The following PARD3 variants were observed in gnomAD, a reference collection of about 807,000 sequenced individuals.
PARD3 encodes the protein par-3 family cell polarity regulator.
Under a neutral mutation model 155.4 loss-of-function variants are expected in PARD3, and 75 were observed. The ratio of observed to expected loss-of-function variants is 0.48; its 90% CI spans 0.40 to 0.58. PARD3 has a LOEUF of 0.58. Ranked by LOEUF, PARD3 falls within the 20% of genes least tolerant of loss-of-function variation. The pLI is 0.00. For synonymous variants in PARD3, 576 were observed against 610.5 expected (o/e 0.94, Z 0.83); for missense variants, 1,642 against 1,721.7 (o/e 0.95, Z 0.82).
At chr10:34,299,544 T>C (rs775455476) in intron 20 of PARD3, among the ~76,000 whole-genome samples, 1 of 152,168 alleles carries the variant, frequency 6.6e-6, no homozygotes, top group Non-Finnish European at 1.5e-5. Flanking sequence ...TGGATAAAAA[T>C]GTTGCTTTTA....
intron 22 of PARD3, among the ~76,000 whole-genome samples, chr10:34,186,779 G>T (rs139167018): frequency 6.6e-6 from 1 of 152,216 alleles, no homozygotes; most frequent in Non-Finnish European, 1.5e-5. Context: ...ACCTTCTGGT[G>T]TCAGCCCCTC....
At chr10:34,690,930 C>T (rs1371786779) in intron 2 of PARD3, among the ~76,000 whole-genome samples, 1 of 152,180 alleles carries the variant, frequency 6.6e-6, no homozygotes, top group African/African-American at 2.4e-5. Flanking sequence ...CATCAAAACA[C>T]AGCCGAGCGC....
intron 7 of PARD3, among the ~76,000 whole-genome samples, chr10:34,385,401 G>A (rs1842255463): frequency 6.6e-6 from 1 of 152,162 alleles, no homozygotes. Context: ...CTCCCAAAGT[G>A]CTGGGATTAC....
chr10:34,748,040 T>C (rs1340706740), intron 1 of PARD3, among the ~76,000 whole-genome samples: 2 of 137,040 alleles, frequency 1.5e-5, no homozygotes, highest in African/African-American at 3.7e-5. Flanking sequence ...GTTACCACCA[T>C]GACAAGCCAC....
chr10:34,768,670 T>G (rs2134073100), intron 1 of PARD3, among the ~76,000 whole-genome samples: 1 of 152,304 alleles, frequency 6.6e-6, no homozygotes, highest in Non-Finnish European at 1.5e-5. Flanking sequence ...GCCCTATTAC[T>G]CAACACTCTG....
intron 1 of PARD3, among the ~76,000 whole-genome samples, chr10:34,735,414 CT>C (rs2094896210): frequency 6.6e-6 from 1 of 152,158 alleles, no homozygotes; most frequent in South Asian, 2.1e-4. Context: ...GATTACAGGA[CT>C]TCTCACTAGC....
intron 15 of PARD3, chr10:34,344,396 C>A (rs929876884): frequency 3.3e-6 from 2 of 603,976 alleles, no homozygotes; most frequent in Non-Finnish European, 4.1e-6. Context: ...AATTCTCCTG[C>A]CTCAGCCTCC....
At chr10:34,166,603 T>A (rs1391989943) in intron 22 of PARD3, among the ~76,000 whole-genome samples, 2 of 151,532 alleles carry the variant, frequency 1.3e-5, no homozygotes, top group East Asian at 3.9e-4. Context: ...CACTCCAGCC[T>A]GGGTAACAGA....
At chr10:34,617,526 T>C (rs1042819205) in intron 2 of PARD3, among the ~76,000 whole-genome samples, 8 of 152,348 alleles carry the variant, frequency 5.3e-5, no homozygotes, top group African/African-American at 1.9e-4. Flanking sequence ...AAGTGACTGA[T>C]ATACTACTTA....
rs116527155 is a variant in PARD3 at position 34,532,131 on chromosome 10, T to C, written c.223-14972A>G. ...AATGGCACCACGTATGCTCTGTGTA[T>C]ATGGACGTTTTGATAAATTTTAACT... On this transcript the variant is annotated intron_variant, in intron 2 of 24. Coordinates refer to ENST00000374788, the MANE Select transcript of PARD3 (RefSeq NM_001184785.2). Among the ~76,000 whole-genome samples the C allele has an allele frequency of 1.3e-3, 201 of 152,324 alleles. 1 individual carries two copies. The highest frequency in any genetic ancestry group is 4.5e-3 in the African/African-American group (187 of 41,568).
intron 3 of PARD3, among the ~76,000 whole-genome samples, chr10:34,473,523 C>CA (rs2078499886): frequency 9.3e-6 from 1 of 107,232 alleles, no homozygotes. Flanking sequence ...CCTGTCTCTA[C>CA]AAAAAATAAA....
At chr10:34,306,246 A>ACT (rs1957404255) in intron 20 of PARD3, among the ~76,000 whole-genome samples, 3 of 149,710 alleles carry the variant, frequency 2.0e-5, no homozygotes, top group Admixed American at 1.3e-4. Flanking sequence ...GCGCCAGTGC[A>ACT]CTCCAGCCTG....
At chr10:34,691,549 T>C (rs988408600) in intron 2 of PARD3, among the ~76,000 whole-genome samples, 3 of 152,188 alleles carry the variant, frequency 2.0e-5, no homozygotes, top group Non-Finnish European at 2.9e-5. Context: ...ATGCTACCCC[T>C]ATCAAACTAT....
At chr10:34,708,474 T>C (rs1229262748) in intron 1 of PARD3, among the ~76,000 whole-genome samples, 1 of 152,198 alleles carries the variant, frequency 6.6e-6, no homozygotes, top group Non-Finnish European at 1.5e-5. Flanking sequence ...AGTCATTTTT[T>C]GAGGAAATGT....
intron 2 of PARD3, among the ~76,000 whole-genome samples, chr10:34,608,687 A>C (rs2090657523): frequency 6.6e-6 from 1 of 151,840 alleles, no homozygotes; most frequent in Non-Finnish European, 1.5e-5. Context: ...GGTGCCTGCC[A>C]CCACGCTCGC....
chr10:34,522,543 G>A (rs1271208119), intron 2 of PARD3, among the ~76,000 whole-genome samples: 2 of 152,118 alleles, frequency 1.3e-5, no homozygotes, highest in Non-Finnish European at 2.9e-5. Context: ...TATTGTGATG[G>A]ATGATAAATA....
intron 20 of PARD3, among the ~76,000 whole-genome samples, chr10:34,311,841 C>T (rs753608766): frequency 6.6e-6 from 1 of 152,140 alleles, no homozygotes; most frequent in Non-Finnish European, 1.5e-5. Flanking sequence ...TCCATCTGGT[C>T]ATGAATCTAT....
chr10:34,495,172 C>CA (rs60469043), intron 3 of PARD3, among the ~76,000 whole-genome samples: 5,904 of 142,104 alleles, frequency 0.042, 347 homozygotes, highest in African/African-American at 0.13. Flanking sequence ...ACAAAAAAAG[C>CA]AAAAAAAAAA....
intron 5 of PARD3, among the ~76,000 whole-genome samples, chr10:34,427,541 T>C (rs2075682653): frequency 6.6e-6 from 1 of 152,178 alleles, no homozygotes; most frequent in African/African-American, 2.4e-5. Context: ...GGAAGTTCAT[T>C]AGTGATTCTA....
Sources: gnomAD v4.1 joint callset for allele counts (sites outside exome capture counted in the v4.1 genomes callset) on GRCh38, gnomAD v4.1.1 for gene constraint, MANE v1.5 for transcripts, NCBI Gene and HGNC (gene_info 2026-07-23, HGNC 2026-07-21) for gene names.